SYN3: variants seen among roughly 807,000 people sequenced by gnomAD.
SYN3 encodes the protein synapsin III, also known as synapsin-3.
In SYN3, 35 loss-of-function variants were observed where a neutral mutation model predicts 65.8. The observed-to-expected ratio is 0.53, with a 90% CI of 0.41 to 0.70. The LOEUF is 0.70. Among genes scored for constraint, SYN3 ranks in the 30% least tolerant of loss-of-function variants. The pLI, the probability that SYN3 is intolerant of heterozygous loss-of-function variation, is 0.00. For synonymous variants in SYN3, 270 were observed against 292.9 expected, an observed-to-expected ratio of 0.92 and a Z score of 0.80; for missense variants, 680 against 749.0, an observed-to-expected ratio of 0.91 and a Z score of 1.08.
At chr22:32,627,642 C>T (rs1210427461) in intron 6 of SYN3, among the ~76,000 whole-genome samples, 4 of 152,082 alleles carry the variant, frequency 2.6e-5, no homozygotes, top group Non-Finnish European at 5.9e-5. Context: ...ATGAAGCTTT[C>T]ATGCATAGAC....
chr22:32,931,547 A>G (rs774501802), intron 3 of SYN3, 66 bp from the exon 4 acceptor site: 4 of 1,113,486 alleles, frequency 3.6e-6, no homozygotes, highest in Non-Finnish European at 4.1e-6. Flanking sequence ...CGGTTAACAC[A>G]TATTGGGTAC....
intron 1 of SYN3, among the ~76,000 whole-genome samples, chr22:33,013,532 C>T (rs1008627054): frequency 2.0e-5 from 3 of 152,152 alleles, no homozygotes; most frequent in African/African-American, 7.2e-5. Flanking sequence ...ACAAATCTAT[C>T]ATCTCACACA....
chr22:32,549,336 T>C (rs962067734), intron 7 of SYN3, among the ~76,000 whole-genome samples: 4 of 151,992 alleles, frequency 2.6e-5, no homozygotes, highest in African/African-American at 7.2e-5. Context: ...TTACTGTAGC[T>C]TCAACCTCCT....
chr22:32,671,823 G>A (rs988840479), intron 6 of SYN3, among the ~76,000 whole-genome samples: 1 of 148,708 alleles, frequency 6.7e-6, no homozygotes, highest in African/African-American at 2.5e-5. Flanking sequence ...TGTGACACAG[G>A]TGCACACACA....
chr22:32,619,118 CAG>C (rs1281894895), intron 6 of SYN3, among the ~76,000 whole-genome samples: 1 of 152,144 alleles, frequency 6.6e-6, no homozygotes, highest in Non-Finnish European at 1.5e-5. Context: ...GTTAGAAATG[CAG>C]ACTCTCAGGC....
chr22:32,616,605 C>G (rs2059523959), intron 6 of SYN3, among the ~76,000 whole-genome samples: 2 of 151,978 alleles, frequency 1.3e-5, no homozygotes, highest in Admixed American at 6.6e-5. Flanking sequence ...AAGGCTGAAG[C>G]CAGAATCCAT....
chr22:32,688,018 T>A (rs1014532890), intron 6 of SYN3, among the ~76,000 whole-genome samples: 41 of 152,322 alleles, frequency 2.7e-4, no homozygotes, highest in African/African-American at 9.1e-4. Context: ...TCCTTGAGAC[T>A]CCAGGGGACC....
At chr22:32,624,114 G>A (rs1435944089) in intron 6 of SYN3, among the ~76,000 whole-genome samples, 1 of 152,154 alleles carries the variant, frequency 6.6e-6, no homozygotes, top group Non-Finnish European at 1.5e-5. Flanking sequence ...ATCCTCTTCC[G>A]AGTCCGGTTA....
At chr22:32,514,197 T>G (rs1246307804) in intron 13 of SYN3, among the ~76,000 whole-genome samples, 1 of 152,186 alleles carries the variant, frequency 6.6e-6, no homozygotes, top group Non-Finnish European at 1.5e-5. Flanking sequence ...CAAACCCACT[T>G]TGTAAACTGC....
intron 6 of SYN3, among the ~76,000 whole-genome samples, chr22:32,673,008 C>T (rs1346529727): frequency 6.6e-6 from 1 of 152,158 alleles, no homozygotes. Flanking sequence ...TTTGGAGGGC[C>T]CCAGATGGGG....
intron 7 of SYN3, among the ~76,000 whole-genome samples, chr22:32,541,941 T>G (rs2058263076): frequency 6.6e-6 from 1 of 151,644 alleles, no homozygotes; most frequent in Admixed American, 6.6e-5. Flanking sequence ...ACAGAGGAGG[T>G]GAGCTCTGAA....
chr22:32,779,919 G>A (rs746347061), intron 6 of SYN3, among the ~76,000 whole-genome samples: 3 of 151,912 alleles, frequency 2.0e-5, no homozygotes, highest in Non-Finnish European at 1.5e-5. Flanking sequence ...GGAACAAAGC[G>A]CTCCCTTTTA....
At chr22:32,664,719 T>C (rs1247702545) in intron 6 of SYN3, among the ~76,000 whole-genome samples, 1 of 150,286 alleles carries the variant, frequency 6.7e-6, no homozygotes, top group Non-Finnish European at 1.5e-5. Context: ...GCCTCCCTTG[T>C]AGCTGGGACT....
chr22:32,907,412 T>C (rs1044732826), intron 4 of SYN3, among the ~76,000 whole-genome samples: 6 of 152,178 alleles, frequency 3.9e-5, no homozygotes, highest in African/African-American at 1.4e-4. Context: ...GATCCATTTA[T>C]TGAAGACTCA....
chr22:32,993,110 G>T (rs900080924), intron 2 of SYN3, among the ~76,000 whole-genome samples: 9 of 152,118 alleles, frequency 5.9e-5, no homozygotes, highest in Non-Finnish European at 1.3e-4. Flanking sequence ...AGCAGGAGCT[G>T]ATTTATCCCG....
intron 7 of SYN3, among the ~76,000 whole-genome samples, chr22:32,586,922 C>T (rs2059052966): frequency 6.6e-6 from 1 of 152,126 alleles, no homozygotes; most frequent in Non-Finnish European, 1.5e-5. Flanking sequence ...GCCCACTGTG[C>T]TCAAGAGAAG....
At chr22:32,832,743 T>G (rs1359272145) in intron 6 of SYN3, among the ~76,000 whole-genome samples, 1 of 152,020 alleles carries the variant, frequency 6.6e-6, no homozygotes, top group Non-Finnish European at 1.5e-5. Flanking sequence ...CCCTCTCTTT[T>G]TCTGAGACAG....
chr22:32,529,228 C>G, intron 10 of SYN3: 1 of 542,978 alleles, frequency 1.8e-6, no homozygotes, highest in East Asian at 2.9e-5. Flanking sequence ...ATTCGGCCCA[C>G]GTTTGCTGGA....
At chr22:32,545,040 A>C (rs2058316522) in intron 7 of SYN3, among the ~76,000 whole-genome samples, 1 of 152,206 alleles carries the variant, frequency 6.6e-6, no homozygotes, top group South Asian at 2.1e-4. Context: ...TTTGGCCAAC[A>C]AGATGTGAGC....
Sources: allele counts gnomAD v4.1 joint callset (sites outside exome capture counted in the v4.1 genomes callset), GRCh38; gene constraint gnomAD v4.1.1; transcripts MANE v1.5; gene names NCBI Gene and HGNC (gene_info 2026-07-23, HGNC 2026-07-21).